The following GRIP1 variants were observed in gnomAD, a reference collection of about 807,000 sequenced individuals.
GRIP1 encodes glutamate receptor interacting protein 1.
GRIP1 carries 45 observed loss-of-function variants against 129.9 expected under a neutral mutation model. The observed-to-expected ratio is 0.35, with a 90% confidence interval of 0.27 to 0.44. The LOEUF is 0.44. Ranked by LOEUF, GRIP1 falls within the 20% of genes least tolerant of loss-of-function variation. The pLI is 1.00. For missense variants in GRIP1, 1,196 were observed against 1,396.8 expected, an observed-to-expected ratio of 0.86 and a Z score of 2.29; for synonymous variants, 530 against 520.8, an observed-to-expected ratio of 1.02 and a Z score of -0.24.
chr12:66,398,387 A>G (rs1383228888), intron 16 of GRIP1, among the ~76,000 whole-genome samples: 1 of 151,924 alleles, frequency 6.6e-6, no homozygotes, highest in Non-Finnish European at 1.5e-5. Flanking sequence ...AATCTGCTAA[A>G]TTCTCTCTTC....
rs554493192 is a variant in GRIP1, at chr12:66,515,527, A to G, written c.724+92T>C. 3.9e-5 allele frequency: 44 copies of G among 1,137,966 alleles called. No individual in the cohort carries two copies. In the East Asian group the frequency reaches 9.3e-4, roughly 24 times the overall value. 70.5% of individuals were successfully genotyped at this position (1,137,966 alleles called of 1,614,324 possible). On this transcript the variant is annotated intron_variant, in intron 7 of 24. Transcript: ENST00000359742. ...TGAATTCTGTCTGCTCCAGGAGGGC[A>G]TGACAATACATACTTAATCCAACAT...
At chr12:66,865,898 T>A (rs193286863) in intron 1 of GRIP1, among the ~76,000 whole-genome samples, 12 of 152,260 alleles carry the variant, frequency 7.9e-5, no homozygotes, top group African/African-American at 2.9e-4. Context: ...AGTTAACCTT[T>A]TCCTTCTATA....
At chr12:66,792,791 C>T (rs986437529) in intron 1 of GRIP1, among the ~76,000 whole-genome samples, 5 of 152,106 alleles carry the variant, frequency 3.3e-5, no homozygotes, top group African/African-American at 1.2e-4. Flanking sequence ...AATTACAACA[C>T]TCCAAGTAGA....
At chr12:66,554,653 G>C (rs2062259155) in intron 2 of GRIP1, among the ~76,000 whole-genome samples, 1 of 152,110 alleles carries the variant, frequency 6.6e-6, no homozygotes, top group African/African-American at 2.4e-5. Flanking sequence ...TGGGCTAGAG[G>C]GGGGCCCACT....
upstream of GRIP1, among the ~76,000 whole-genome samples, chr12:66,804,364 A>G (rs1328975838): frequency 6.6e-6 from 1 of 152,168 alleles, no homozygotes; most frequent in African/African-American, 2.4e-5. Flanking sequence ...GGGAAAGAAA[A>G]TAATAGCGAT....
chr12:66,440,220 G>A (rs1288768681), intron 13 of GRIP1, among the ~76,000 whole-genome samples: 1 of 151,864 alleles, frequency 6.6e-6, no homozygotes, highest in African/African-American at 2.4e-5. Flanking sequence ...GGGTTACATG[G>A]GATACTTTGA....
chr12:66,937,261 T>G (rs12809312), intron 1 of GRIP1, among the ~76,000 whole-genome samples: 31,409 of 152,088 alleles, frequency 0.21, 3,508 homozygotes, highest in South Asian at 0.26. Context: ...CCCCTGACAC[T>G]TGGCCACCTT....
In GRIP1 at chr12:66,650,668, G is replaced by A. The variant is rs1185095849; in HGVS notation, c.55+28182C>T. On this transcript the variant is annotated intron_variant, in intron 1 of 24. Coordinates refer to ENST00000359742, the MANE Select transcript of GRIP1 (RefSeq NM_001366722.1). The stretch of plus-strand genomic sequence containing the variant: ...TTTAGACCATTAGCTGATCTTAATG[G>A]TCACGAATGAGGAATAGAAGAAACC... 2.6e-5 allele frequency among the ~76,000 whole-genome samples: 4 copies of A among 152,228 alleles called. No individual in the cohort carries two copies. The South Asian group carries it at 8.3e-4, about 32-fold the overall frequency.
At chr12:66,727,028 A>G (rs1565990411) in intron 1 of GRIP1, among the ~76,000 whole-genome samples, 1 of 152,236 alleles carries the variant, frequency 6.6e-6, no homozygotes, top group Non-Finnish European at 1.5e-5. Context: ...TCTAAATACG[A>G]TAAAAATAAA....
intron 7 of GRIP1, among the ~76,000 whole-genome samples, chr12:66,479,056 GA>G (rs953508072): frequency 6.2e-5 from 9 of 145,128 alleles, no homozygotes; most frequent in Admixed American, 3.4e-4. Flanking sequence ...AAAAGAAAAA[GA>G]AAAAAAAGAG....
chr12:66,450,303 C>CAAA (rs143013040), intron 11 of GRIP1, among the ~76,000 whole-genome samples: 474 of 26,886 alleles, frequency 0.018, 2 homozygotes, highest in Middle Eastern at 0.028. Context: ...GACTCCATCT[C>CAAA]AAAAAAAAAA....
At chr12:66,589,857 T>C (rs1405923344) in intron 2 of GRIP1, among the ~76,000 whole-genome samples, 1 of 152,202 alleles carries the variant, frequency 6.6e-6, no homozygotes, top group Non-Finnish European at 1.5e-5. Context: ...AACTTCTCTA[T>C]TCAACAGTAA....
intron 20 of GRIP1, among the ~76,000 whole-genome samples, chr12:66,377,826 A>G (rs17102434): frequency 5.3e-5 from 8 of 151,868 alleles, no homozygotes; most frequent in African/African-American, 1.9e-4. Flanking sequence ...TTACTACCGG[A>G]TTTCAGACTA....
At chr12:66,372,774 T>A (rs2055581891) in intron 22 of GRIP1, among the ~76,000 whole-genome samples, 1 of 151,980 alleles carries the variant, frequency 6.6e-6, no homozygotes. Flanking sequence ...AAAAAAGGAT[T>A]TGAAACCAAT....
chr12:66,489,160 TACA>T (rs745390475), intron 7 of GRIP1, among the ~76,000 whole-genome samples: 1 of 152,054 alleles, frequency 6.6e-6, no homozygotes, highest in East Asian at 1.9e-4. Flanking sequence ...CCGGCAGGGA[TACA>T]ACAAGAAAAG....
intron 1 of GRIP1, among the ~76,000 whole-genome samples, chr12:66,911,270 G>T (rs890973931): frequency 2.0e-5 from 3 of 152,132 alleles, no homozygotes; most frequent in Non-Finnish European, 2.9e-5. Context: ...TCTACAAAAT[G>T]GTTGATTATG....
chr12:66,874,442 T>C (rs1287624131), intron 1 of GRIP1, among the ~76,000 whole-genome samples: 1 of 152,056 alleles, frequency 6.6e-6, no homozygotes, highest in African/African-American at 2.4e-5. Context: ...TGATATGGTG[T>C]ATTAGTCCAT....
chr12:66,580,324 C>T (rs1038593630), intron 2 of GRIP1, among the ~76,000 whole-genome samples: 4 of 150,644 alleles, frequency 2.7e-5, no homozygotes, highest in African/African-American at 7.3e-5. Context: ...TAAAGACCAT[C>T]GAGACTAGGA....
intron 1 of GRIP1, among the ~76,000 whole-genome samples, chr12:66,815,820 A>ATTTCTTTCTTTCTTTC (rs1002005391): frequency 0.012 from 1,420 of 118,494 alleles, 53 homozygotes; most frequent in African/African-American, 0.049. Flanking sequence ...AAGATGAAAG[A>ATTTCTTTCTTTCTTTC]TTTCTTTCTT....
Sources: gnomAD v4.1 joint callset for allele counts (sites outside exome capture counted in the v4.1 genomes callset) on GRCh38, gnomAD v4.1.1 for gene constraint, MANE v1.5 for transcripts, NCBI Gene and HGNC (gene_info 2026-07-23, HGNC 2026-07-21) for gene names.